The following RNF220 variants were observed in gnomAD, a reference collection of about 807,000 sequenced individuals.
RNF220 encodes the protein E3 ubiquitin-protein ligase RNF220.
RNF220 carries 7 observed loss-of-function variants against 67.1 expected under a neutral mutation model. The ratio of observed to expected loss-of-function variants is 0.10; its 90% CI spans 0.06 to 0.20. RNF220 has a LOEUF of 0.20. Among genes scored for constraint, RNF220 ranks in the 10% least tolerant of loss-of-function variants. The pLI is 1.00. For synonymous variants in RNF220, 270 were observed against 283.2 expected (o/e 0.95, Z 0.47); for missense variants, 565 against 740.3 (o/e 0.76, Z 2.75).
intron 2 of RNF220, among the ~76,000 whole-genome samples, chr1:44,502,565 A>G (rs929900849): frequency 1.3e-5 from 2 of 152,218 alleles, no homozygotes; most frequent in South Asian, 4.1e-4. Flanking sequence ...GCCAGGCCCT[A>G]GGAGACACAG....
intron 2 of RNF220, among the ~76,000 whole-genome samples, chr1:44,597,937 A>C (rs1666639825): frequency 1.4e-5 from 2 of 139,466 alleles, no homozygotes; most frequent in Admixed American, 7.2e-5. Flanking sequence ...ACAACCCCCC[A>C]CTGTCTCCTC....
At chr1:44,580,651 G>A (rs1016722744) in intron 2 of RNF220, among the ~76,000 whole-genome samples, 2 of 152,230 alleles carry the variant, frequency 1.3e-5, no homozygotes, top group Non-Finnish European at 2.9e-5. Flanking sequence ...GTTTGGGCAG[G>A]CCACCTATTA....
At chr1:44,434,578 A>G (rs1650753012) in intron 2 of RNF220, among the ~76,000 whole-genome samples, 2 of 152,000 alleles carry the variant, frequency 1.3e-5, no homozygotes, top group African/African-American at 4.8e-5. Context: ...TTAGCCAGGC[A>G]TGGTGGTGGG....
At chr1:44,644,508 G>A in intron 8 of RNF220, 190 bp from the exon 9 acceptor site, 2 of 579,032 alleles carry the variant, frequency 3.5e-6, no homozygotes, top group South Asian at 4.1e-5. Context: ...AGAAAGATGA[G>A]GTTTGCAGAG....
At chr1:44,578,506 GTTAT>G (rs377277151) in intron 2 of RNF220, among the ~76,000 whole-genome samples, 96 of 152,264 alleles carry the variant, frequency 6.3e-4, no homozygotes, top group African/African-American at 2.2e-3. Context: ...AGCTCTGGGG[GTTAT>G]TTGATAGTAA....
At chr1:44,636,557 G>A in intron 8 of RNF220, 1 of 665,166 alleles carries the variant, frequency 1.5e-6, no homozygotes, top group East Asian at 2.8e-5. Flanking sequence ...CTCCAGCACT[G>A]GGGGCCCTGA....
Position 44,645,543 on chromosome 1 carries a change from C to A in RNF220, c.1445+55C>A. ...GACCACAGTTCAGTGGGAGGAGGGG[C>A]CCTTTGCTAGCAGGAAGGCCTGCTG... On this transcript the variant is annotated intron_variant, in intron 12 of 14. Coordinates refer to ENST00000361799, the MANE Select transcript of RNF220 (RefSeq NM_018150.4). This position sits in a 1 kb window ranked among gnomAD's most constrained non-coding sequence, Gnocchi z 5.0. 1 of 1,564,830 alleles carries A rather than the reference C, an allele frequency of 6.4e-7. No homozygotes were observed. Among genetic ancestry groups the A allele is most frequent in the Non-Finnish European group, 8.8e-7 (1 of 1,141,322 alleles).
chr1:44,518,606 G>A (rs1227641494), intron 2 of RNF220, among the ~76,000 whole-genome samples: 2 of 152,124 alleles, frequency 1.3e-5, no homozygotes, highest in Non-Finnish European at 2.9e-5. Context: ...GCCGGGCGCG[G>A]TGGCTCACAC....
intron 2 of RNF220, among the ~76,000 whole-genome samples, chr1:44,548,223 C>G (rs1306074487): frequency 6.6e-6 from 1 of 152,168 alleles, no homozygotes. Context: ...CTTATACTGT[C>G]TAAAAAATCC....
At chr1:44,563,252 C>T (rs372309037) in intron 2 of RNF220, among the ~76,000 whole-genome samples, 2 of 152,166 alleles carry the variant, frequency 1.3e-5, no homozygotes, top group East Asian at 3.8e-4. Context: ...GCTGGGCTAG[C>T]CTTGCTGGAG....
Position 44,645,839 on chromosome 1 carries a change from G to C in RNF220, c.1445+351G>C, listed in dbSNP as rs1340205395. Among the ~76,000 whole-genome samples, 2 of 152,232 alleles carry C rather than the reference G, an allele frequency of 1.3e-5. No individual in the cohort carries two copies. Among genetic ancestry groups the C allele is most frequent in the Non-Finnish European group, 2.9e-5 (2 of 68,040 alleles). On this transcript the variant is annotated intron_variant, in intron 12 of 14. Transcript: ENST00000361799. The surrounding 1 kb of genome is among the most constrained non-coding windows in gnomAD (Gnocchi z 5.0). ...TCCAGTTTCTGTTTCTTAATCGGGAGCTAAATTGGTTTCATTTTTCTTGTC... is the reference window on the plus strand; with the variant it reads ...TCCAGTTTCTGTTTCTTAATCGGGACCTAAATTGGTTTCATTTTTCTTGTC...
At chr1:44,604,329 G>A (rs1481417875) in intron 2 of RNF220, among the ~76,000 whole-genome samples, 1 of 152,204 alleles carries the variant, frequency 6.6e-6, no homozygotes, top group Non-Finnish European at 1.5e-5. Flanking sequence ...GGAACTCTGG[G>A]AGGCCCTGCC....
At chr1:44,577,840 T>TC (rs1378743448) in intron 2 of RNF220, among the ~76,000 whole-genome samples, 2 of 129,342 alleles carry the variant, frequency 1.5e-5, no homozygotes, top group East Asian at 2.0e-4. Flanking sequence ...TCAAATGCCT[T>TC]TTTTTTTTTT....
chr1:44,527,128 T>C (rs1660439955), intron 2 of RNF220, among the ~76,000 whole-genome samples: 1 of 152,104 alleles, frequency 6.6e-6, no homozygotes, highest in South Asian at 2.1e-4. Flanking sequence ...AACTTCAGCC[T>C]CAACCTCTCT....
chr1:44,515,141 A>G (rs1262367241), intron 2 of RNF220, among the ~76,000 whole-genome samples: 3 of 152,232 alleles, frequency 2.0e-5, no homozygotes, highest in African/African-American at 7.2e-5. Context: ...CCAACAGTCT[A>G]TTCCCTTCCC....
chr1:44,407,742 C>G (rs6678738), intron 1 of RNF220, among the ~76,000 whole-genome samples: 4,084 of 152,236 alleles, frequency 0.027, 91 homozygotes, highest in Middle Eastern at 0.045. Flanking sequence ...TGGAAGGGCC[C>G]GGCAGCCCCG....
At chr1:44,490,796 A>G (rs1214048677) in intron 2 of RNF220, among the ~76,000 whole-genome samples, 1 of 152,116 alleles carries the variant, frequency 6.6e-6, no homozygotes, top group Non-Finnish European at 1.5e-5. Context: ...AACACACCCA[A>G]AAATTGGTTC....
intron 2 of RNF220, among the ~76,000 whole-genome samples, chr1:44,497,774 ATT>A: frequency 6.6e-6 from 1 of 152,102 alleles, no homozygotes; most frequent in African/African-American, 2.4e-5. Flanking sequence ...TAGCCACCTT[ATT>A]GAGCACCTAC....
chr1:44,584,219 C>T (rs757701290), intron 2 of RNF220, among the ~76,000 whole-genome samples: 2 of 152,210 alleles, frequency 1.3e-5, no homozygotes, highest in Non-Finnish European at 2.9e-5. Flanking sequence ...ATTGTCCCTC[C>T]TTTGGTCCAC....
Sources: gnomAD v4.1 joint callset for allele counts (sites outside exome capture counted in the v4.1 genomes callset) on GRCh38, gnomAD v4.1.1 for gene constraint, Gnocchi (gnomAD v3.1) non-coding constraint, MANE v1.5 for transcripts, NCBI Gene and HGNC (gene_info 2026-07-23, HGNC 2026-07-21) for gene names.